CCR9: variants seen among roughly 807,000 people sequenced by gnomAD.
CCR9 encodes C-C chemokine receptor type 9.
In CCR9, 4 loss-of-function variants were observed where a neutral mutation model predicts 8.7. That is an observed-to-expected ratio of 0.46 (90% confidence interval 0.23 to 1.06). CCR9 has a LOEUF of 1.06. Ranked by LOEUF, CCR9 falls within the 50% of genes least tolerant of loss-of-function variation. The pLI is 0.21. For missense variants in CCR9, 394 were observed against 453.6 expected (o/e 0.87, Z 1.19); for synonymous variants, 159 against 168.8 (o/e 0.94, Z 0.45).
chr3:45,886,175 T>C (rs1458528218), upstream of CCR9, among the ~76,000 whole-genome samples: 1 of 152,196 alleles, frequency 6.6e-6, no homozygotes, highest in Non-Finnish European at 1.5e-5. Flanking sequence ...GGTGGTAATC[T>C]GATACAGGCC....
rs199541347 is a variant in CCR9, at chr3:45,901,212, G to T, written c.424G>T (p.Val142Leu). Reference protein sequence around the residue: ...SCVLLIMCISVDRYIAIAQAM... With the variant: ...SCVLLIMCISLDRYIAIAQAM... ...TGTGTTGCTGATCATGTGCATCAGC[G>T]TGGACAGGTACATTGCCATTGCCCA... The change falls in exon 3 of 3, where the codon GTG (valine) becomes TTG (leucine). Residue 142 changes from valine to leucine, a missense_variant. By Grantham distance (32) the Val-to-Leu change is conservative. Transcript: ENST00000357632. This position sits in a 1 kb window ranked among gnomAD's most constrained non-coding sequence, Gnocchi z 4.3. The T allele has an allele frequency of 6.2e-7, 1 of 1,614,096 alleles. No homozygotes were observed. Among genetic ancestry groups the T allele is most frequent in the Admixed American group, 1.7e-5 (1 of 60,022 alleles).
chr3:45,901,891 C>G lies in CCR9; in HGVS notation c.1103C>G (p.Ser368Cys). 1 of 1,590,378 alleles carries G rather than the reference C, an allele frequency of 6.3e-7. No homozygotes were observed. The highest frequency in any genetic ancestry group is 1.1e-5 in the South Asian group (1 of 88,242). ...CTGGAGACAACCTCAGGAGCACTCT[C>G]CCTCTGAGGGGTCTTCTCTGAGGTG... ...MLLETTSGAL[S>C]L Residue 368 changes from serine to cysteine, a missense_variant, in exon 3 of 3, where the codon TCC becomes TGC. Physicochemically the swap from Ser to Cys is moderately radical, Grantham distance 112. Transcript: ENST00000357632. This position sits in a 1 kb window ranked among gnomAD's most constrained non-coding sequence, Gnocchi z 4.3.
Position 45,890,461 on chromosome 3 carries a change from A to G in CCR9, c.-29+3806A>G, listed in dbSNP as rs1001288822. 4.7e-5 allele frequency among the ~76,000 whole-genome samples: 7 copies of G among 148,008 alleles called. No homozygotes were observed. The Admixed American group carries it at 4.9e-4, about 10-fold the overall frequency. ...AAAATTTGCTGAGTTGAGGTCTTCCAAACTCAACTGGGCATTTTTCATCTG... is the reference window on the plus strand; with the variant it reads ...AAAATTTGCTGAGTTGAGGTCTTCCGAACTCAACTGGGCATTTTTCATCTG... On this transcript the variant is annotated intron_variant, in intron 1 of 2. Transcript: ENST00000357632.
chr3:45,897,554 C>T (rs1020066012), intron 2 of CCR9: 1 of 1,531,388 alleles, frequency 6.5e-7, no homozygotes, highest in Non-Finnish European at 8.8e-7. Context: ...CCATTCTGCT[C>T]CTGCAGTCTC....
At chr3:45,893,090 C>T (rs1702238955) in intron 1 of CCR9, among the ~76,000 whole-genome samples, 2 of 152,140 alleles carry the variant, frequency 1.3e-5, no homozygotes, top group Non-Finnish European at 1.5e-5. Context: ...TTATCCCCCA[C>T]TGAGGTTTCC....
chr3:45,894,469 T>C (rs1702287247), intron 1 of CCR9, among the ~76,000 whole-genome samples: 1 of 152,108 alleles, frequency 6.6e-6, no homozygotes, highest in Non-Finnish European at 1.5e-5. Context: ...CTTCGGTGAG[T>C]CCCTTAGCTG....
At chr3:45,886,521 G>A (rs1473005649), upstream of CCR9, 1 of 152,258 alleles carries the variant, frequency 6.6e-6, no homozygotes, top group African/African-American at 2.4e-5. Flanking sequence ...TTCTCGTGTT[G>A]TTATCGGGTA....
chr3:45,888,984 C>A (rs939739778), intron 1 of CCR9, among the ~76,000 whole-genome samples: 2 of 152,032 alleles, frequency 1.3e-5, no homozygotes, highest in Non-Finnish European at 2.9e-5. Context: ...ATGATATATA[C>A]TATTTGTTTA....
chr3:45,897,675 C>A (rs1702401927), intron 2 of CCR9: 4 of 1,407,526 alleles, frequency 2.8e-6, no homozygotes, highest in Non-Finnish European at 2.9e-6. Context: ...TCCCACCTGC[C>A]CCCTCTCATT....
intron 2 of CCR9, chr3:45,895,193 A>T: frequency 5.4e-6 from 3 of 552,896 alleles, no homozygotes; most frequent in Non-Finnish European, 9.6e-6. Context: ...ATGTGGTGTT[A>T]TAAACAGCTA....
rs1412331657 is a variant in CCR9 at position 45,900,036 on chromosome 3, T to TGCA, written c.22-774_22-773insGCA. Reference sequence around the variant, plus strand: ...GTACGAGAGCATGTGCAAGTGCATGTATTATGTGTATGCATGTACATATGA... The same window carrying TGCA: ...GTACGAGAGCATGTGCAAGTGCATGTGCAATTATGTGTATGCATGTACATATGA... On this transcript the variant is annotated intron_variant, in intron 2 of 2. Coordinates refer to ENST00000357632, the MANE Select transcript of CCR9 (RefSeq NM_031200.3). This position sits in a 1 kb window ranked among gnomAD's most constrained non-coding sequence, Gnocchi z 4.7. Among the ~76,000 whole-genome samples the TGCA allele has an allele frequency of 6.6e-6, 1 of 152,230 alleles. No individual in the cohort carries two copies. The highest frequency in any genetic ancestry group is 2.4e-5 in the African/African-American group (1 of 41,458).
intron 1 of CCR9, among the ~76,000 whole-genome samples, chr3:45,893,200 G>A (rs1419892577): frequency 6.6e-6 from 1 of 150,808 alleles, no homozygotes; most frequent in Non-Finnish European, 1.5e-5. Flanking sequence ...TGTCACCCAG[G>A]CTGGAGTGCA....
rs1179744965 is a variant in CCR9, at chr3:45,901,144, G to A, written c.356G>A (p.Cys119Tyr). Residue 119 changes from cysteine (C) to tyrosine (Y), a missense_variant, in exon 3 of 3, where the codon TGC (cysteine) becomes TAC (tyrosine). By Grantham distance (194) the Cys-to-Tyr change is radical (BLOSUM62 -2). Coordinates refer to ENST00000357632, the MANE Select transcript of CCR9 (RefSeq NM_031200.3). This position sits in a 1 kb window ranked among gnomAD's most constrained non-coding sequence, Gnocchi z 4.3. Reference sequence around the variant, plus strand: ...CAGTGGAAGTTCCAGACCTTCATGTGCAAGGTGGTCAACAGCATGTACAAG... The same window carrying A: ...CAGTGGAAGTTCCAGACCTTCATGTACAAGGTGGTCAACAGCATGTACAAG... ...ADQWKFQTFM[C>Y]KVVNSMYKMN... 6.2e-7 allele frequency: 1 copy of A among 1,614,054 alleles called. No homozygotes were observed. Among genetic ancestry groups the A allele is most frequent in the Non-Finnish European group, 8.5e-7 (1 of 1,180,024 alleles).
At position 45,901,774 on chromosome 3, in the gene CCR9, T is replaced by G; in HGVS notation, c.986T>G (p.Val329Gly). The change falls in exon 3 of 3, where the codon GTG becomes GGG. Residue 329 changes from valine (V) to glycine (G), a missense_variant. By Grantham distance (109) the Val-to-Gly change is moderately radical (BLOSUM62 -3). Transcript: ENST00000357632. This position sits in a 1 kb window ranked among gnomAD's most constrained non-coding sequence, Gnocchi z 4.3. Reference sequence around the variant, plus strand: ...GGTGAGAGATTCCGCCGGGATCTCGTGAAAACCCTGAAGAACTTGGGTTGC... The same window carrying G: ...GGTGAGAGATTCCGCCGGGATCTCGGGAAAACCCTGAAGAACTTGGGTTGC... ...FVGERFRRDL[V>G]KTLKNLGCIS... is the part of the protein sequence containing the mutation. 3.7e-6 allele frequency: 6 copies of G among 1,614,190 alleles called. No individual in the cohort carries two copies. The highest frequency in any genetic ancestry group is 5.1e-6 in the Non-Finnish European group (6 of 1,180,028).
intron 2 of CCR9, 140 bp downstream of exon 2, chr3:45,895,094 T>TCTCTGCCTGGCAA: frequency 1.1e-6 from 1 of 887,444 alleles, no homozygotes; most frequent in Non-Finnish European, 1.9e-6. Flanking sequence ...GCAATGCGCA[T>TCTCTGCCTGGCAA]TGCTGGGTAG....
chr3:45,890,245 C>T (rs1337730963), intron 1 of CCR9, among the ~76,000 whole-genome samples: 1 of 9,268 alleles, frequency 1.1e-4, no homozygotes, highest in African/African-American at 2.7e-4. Flanking sequence ...TGACATAAGC[C>T]CTGGGTATTA....
At chr3:45,899,229 CAGG>C (rs1288839111) in intron 2 of CCR9, among the ~76,000 whole-genome samples, 1 of 152,200 alleles carries the variant, frequency 6.6e-6, no homozygotes, top group Non-Finnish European at 1.5e-5. Context: ...TCAATGTGCT[CAGG>C]AGTATTGTGA....
At chr3:45,886,870 C>G (rs1414298495) in intron 1 of CCR9, among the ~76,000 whole-genome samples, 1 of 152,132 alleles carries the variant, frequency 6.6e-6, no homozygotes, top group African/African-American at 2.4e-5. Flanking sequence ...ACTCCCTCCC[C>G]CTTCACATAC....
At chr3:45,888,680 T>C (rs1453070887) in intron 1 of CCR9, among the ~76,000 whole-genome samples, 1 of 152,212 alleles carries the variant, frequency 6.6e-6, no homozygotes, top group Non-Finnish European at 1.5e-5. Flanking sequence ...TGTTTGGTCA[T>C]ATGTGGGATT....
Sources: allele counts gnomAD v4.1 joint callset (sites outside exome capture counted in the v4.1 genomes callset), GRCh38; gene constraint gnomAD v4.1.1; non-coding constraint Gnocchi (gnomAD v3.1); transcripts MANE v1.5; gene names NCBI Gene and HGNC (gene_info 2026-07-23, HGNC 2026-07-21).